CALCRL: variants seen among roughly 807,000 people sequenced by gnomAD.
The protein encoded by CALCRL is calcitonin gene-related peptide type 1 receptor.
In CALCRL, 27 loss-of-function variants were observed where a neutral mutation model predicts 60.4. That is an observed-to-expected ratio of 0.45 (90% CI 0.33 to 0.62). CALCRL has a LOEUF of 0.62. CALCRL is among the 20% of genes least tolerant of loss of function. The pLI, the probability that CALCRL is intolerant of heterozygous loss-of-function variation, is 0.03. For missense variants in CALCRL, 424 were observed against 540.7 expected (o/e 0.78, Z 2.14); for synonymous variants, 190 against 182.6 (o/e 1.04, Z -0.33).
At chr2:187,419,694 A>T (rs1336656258) in intron 1 of CALCRL, among the ~76,000 whole-genome samples, 5 of 152,212 alleles carry the variant, frequency 3.3e-5, no homozygotes, top group Non-Finnish European at 1.5e-5. Flanking sequence ...AAAGATAAAA[A>T]CAAAGAAATA....
intron 7 of CALCRL, 38 bp from the exon 8 acceptor site, chr2:187,379,069 A>T: frequency 9.6e-7 from 1 of 1,044,514 alleles, no homozygotes; most frequent in Non-Finnish European, 1.5e-6. Flanking sequence ...GGTTCATATC[A>T]ATACTATAAG....
intron 14 of CALCRL, among the ~76,000 whole-genome samples, chr2:187,350,840 G>A (rs1686497688): frequency 6.6e-6 from 1 of 151,696 alleles, no homozygotes; most frequent in South Asian, 2.1e-4. Context: ...TCAAGTGTCT[G>A]TGTCTCACTC....
At chr2:187,354,935 T>G (rs1686705427) in intron 12 of CALCRL, among the ~76,000 whole-genome samples, 6 of 152,056 alleles carry the variant, frequency 3.9e-5, no homozygotes, top group Admixed American at 3.9e-4. Flanking sequence ...AATATTGTCT[T>G]GCATTTGTTC....
intron 1 of CALCRL, among the ~76,000 whole-genome samples, chr2:187,389,489 G>T (rs751337562): frequency 1.3e-5 from 2 of 152,032 alleles, no homozygotes; most frequent in Non-Finnish European, 2.9e-5. Flanking sequence ...AACCAATGAA[G>T]CAGAGCTCAC....
chr2:187,396,214 C>T (rs938414237), intron 1 of CALCRL, among the ~76,000 whole-genome samples: 16 of 151,664 alleles, frequency 1.1e-4, no homozygotes, highest in Non-Finnish European at 1.8e-4. Context: ...AATCACTTAT[C>T]TTGCTCTCAC....
chr2:187,401,733 A>G lies in CALCRL; in HGVS notation c.-292-13977T>C, dbSNP rs1262692185. On this transcript the variant is annotated intron_variant, in intron 1 of 14. Coordinates refer to ENST00000392370, the MANE Select transcript of CALCRL (RefSeq NM_005795.6). ...TTACAAACAAAAATGTAGATATTTT[A>G]TTATATTTGTGATTTCTGATATTTT... is the stretch of plus-strand genomic sequence containing the variant. Among the ~76,000 whole-genome samples the G allele has an allele frequency of 3.3e-5, 5 of 151,632 alleles. 1 individual carries two copies. The East Asian group carries it at 9.7e-4, about 29-fold the overall frequency.
At chr2:187,382,086 A>G (rs1688007465) in intron 5 of CALCRL, among the ~76,000 whole-genome samples, 1 of 152,204 alleles carries the variant, frequency 6.6e-6, no homozygotes, top group Non-Finnish European at 1.5e-5. Context: ...ATATGTCCAT[A>G]TCACAGCTCC....
intron 1 of CALCRL, among the ~76,000 whole-genome samples, chr2:187,414,909 CT>C (rs1409310279): frequency 1.4e-5 from 2 of 145,364 alleles, no homozygotes; most frequent in Non-Finnish European, 3.0e-5. Flanking sequence ...AAGGTAGTCT[CT>C]TTTTTTTTCA....
chr2:187,343,961 T>C lies in CALCRL; in HGVS notation c.*2223A>G, dbSNP rs1481221574. 6.6e-6 allele frequency: 1 copy of C among 151,506 alleles called. No homozygotes were observed. Among genetic ancestry groups the C allele is most frequent in the Non-Finnish European group, 1.5e-5 (1 of 67,596 alleles). 9.4% of individuals were successfully genotyped at this position (151,506 alleles called of 1,614,324 possible). A position where few individuals can be genotyped will look rare whatever the true frequency, so the allele number is the denominator to read the frequency against. ...TAATATTATAAAAGCACAACAAAAA[T>C]ACTTGAAAATTACATGTTTATTTTA... On this transcript the variant is annotated 3_prime_UTR_variant, in exon 15 of 15. Coordinates refer to ENST00000392370, the MANE Select transcript of CALCRL (RefSeq NM_005795.6).
At position 187,406,979 on chromosome 2, in the gene CALCRL, T is replaced by C. The variant is rs1197289214; in HGVS notation, c.-292-19223A>G. The stretch of plus-strand genomic sequence containing the variant: ...AACTATCATTCCCAAAAAACCTTAT[T>C]TGAACTCATAACTTCTTTAGTTTCG... On this transcript the variant is annotated intron_variant, in intron 1 of 14. Coordinates refer to ENST00000392370, the MANE Select transcript of CALCRL (RefSeq NM_005795.6). Among the ~76,000 whole-genome samples, 3 of 152,080 alleles carry C rather than the reference T, an allele frequency of 2.0e-5. No homozygotes were observed. The East Asian group carries it at 5.8e-4, about 29-fold the overall frequency.
intron 1 of CALCRL, among the ~76,000 whole-genome samples, chr2:187,438,608 T>G (rs1294787665): frequency 6.6e-6 from 1 of 152,060 alleles, no homozygotes; most frequent in Non-Finnish European, 1.5e-5. Flanking sequence ...AGTAACGGAA[T>G]AAGGCTTTTG....
At chr2:187,410,784 G>C (rs1277454786) in intron 1 of CALCRL, among the ~76,000 whole-genome samples, 1 of 152,140 alleles carries the variant, frequency 6.6e-6, no homozygotes, top group African/African-American at 2.4e-5. Context: ...GCTCAAGACA[G>C]AGGTGCATGT....
chr2:187,369,931 T>G (rs995129376), intron 8 of CALCRL, among the ~76,000 whole-genome samples: 1 of 152,194 alleles, frequency 6.6e-6, no homozygotes, highest in East Asian at 1.9e-4. Context: ...ACAGGCCATG[T>G]GACAGAGTAC....
chr2:187,399,888 T>C (rs1352556905), intron 1 of CALCRL, among the ~76,000 whole-genome samples: 3 of 151,348 alleles, frequency 2.0e-5, no homozygotes, highest in Non-Finnish European at 3.0e-5. Context: ...ATGAAGAAGA[T>C]AAAAAGTTGA....
intron 1 of CALCRL, among the ~76,000 whole-genome samples, chr2:187,418,131 T>C (rs1689699893): frequency 6.6e-6 from 1 of 152,160 alleles, no homozygotes; most frequent in African/African-American, 2.4e-5. Context: ...GTTCTGACCT[T>C]TCACCCACAC....
At chr2:187,356,256 T>C (rs1686780049) in intron 12 of CALCRL, among the ~76,000 whole-genome samples, 1 of 152,090 alleles carries the variant, frequency 6.6e-6, no homozygotes, top group Admixed American at 6.5e-5. Context: ...CTTCAAACCA[T>C]ACTACAAGGC....
intron 1 of CALCRL, among the ~76,000 whole-genome samples, chr2:187,399,360 G>A (rs972728809): frequency 6.6e-6 from 1 of 151,330 alleles, no homozygotes; most frequent in Admixed American, 6.6e-5. Context: ...TACCTATGGC[G>A]AGATATTCAT....
chr2:187,385,306 C>T (rs560983012), intron 4 of CALCRL, among the ~76,000 whole-genome samples: 1 of 152,076 alleles, frequency 6.6e-6, no homozygotes, highest in East Asian at 1.9e-4. Flanking sequence ...TTACTTTCCT[C>T]TGGTGTCTTA....
chr2:187,365,855 G>A (rs972918592), intron 8 of CALCRL, among the ~76,000 whole-genome samples: 1 of 152,168 alleles, frequency 6.6e-6, no homozygotes, highest in East Asian at 1.9e-4. Flanking sequence ...TAAGTTGATT[G>A]CATAGAAGAA....
Sources: gnomAD v4.1 joint callset for allele counts (sites outside exome capture counted in the v4.1 genomes callset) on GRCh38, gnomAD v4.1.1 for gene constraint, MANE v1.5 for transcripts, NCBI Gene and HGNC (gene_info 2026-07-23, HGNC 2026-07-21) for gene names.